NAV2: variants seen among roughly 807,000 people sequenced by gnomAD.
NAV2 encodes the protein neuron navigator 2, also known as helicase, APC down-regulated 1.
NAV2 carries 54 observed loss-of-function variants against 223.2 expected under a neutral mutation model. The ratio of observed to expected loss-of-function variants is 0.24; its 90% confidence interval spans 0.19 to 0.30. NAV2 has a LOEUF of 0.30. Ranked by LOEUF, NAV2 falls within the 10% of genes least tolerant of loss-of-function variation. The pLI is 1.00. For missense variants in NAV2, 2,806 were observed against 3,147.5 expected (o/e 0.89, Z 2.60); for synonymous variants, 1,279 against 1,239.3 (o/e 1.03, Z -0.67).
intron 10 of NAV2, among the ~76,000 whole-genome samples, chr11:19,953,446 A>G (rs1207563756): frequency 1.4e-5 from 2 of 144,672 alleles, no homozygotes; most frequent in Non-Finnish European, 1.6e-5. Context: ...CTGCATTTGC[A>G]AAGCCCTGCC....
rs1217133540 is a variant in NAV2, at chr11:20,114,494, G to C, written c.6961-98G>C. 9.4e-6 allele frequency: 10 copies of C among 1,060,188 alleles called. No homozygotes were observed. The African/African-American group carries it at 1.2e-4, about 13-fold the overall frequency. The allele number at this position is 1,060,188 out of a possible 1,614,324, so 65.7% of individuals were successfully genotyped here. On this transcript the variant is annotated intron_variant, in intron 36 of 37. Transcript: ENST00000349880. The stretch of plus-strand genomic sequence containing the variant: ...GGAATTACTCCATCAGGGAAGGCAT[G>C]ATGCTGGATTTGGGGAGTTTTTCAG...
chr11:19,762,904 G>A (rs879674562), intron 1 of NAV2, among the ~76,000 whole-genome samples: 8 of 152,060 alleles, frequency 5.3e-5, no homozygotes, highest in Non-Finnish European at 1.2e-4. Context: ...GAGCCACTAC[G>A]CCCAGCCAGG....
intron 1 of NAV2, among the ~76,000 whole-genome samples, chr11:19,662,268 T>TA (rs1034958111): frequency 6.6e-6 from 1 of 151,854 alleles, no homozygotes; most frequent in Non-Finnish European, 1.5e-5. Context: ...CCAAAGTGAG[T>TA]AAAAAAAATA....
intron 8 of NAV2, among the ~76,000 whole-genome samples, chr11:19,942,070 G>A (rs1304717451): frequency 6.6e-6 from 1 of 152,186 alleles, no homozygotes; most frequent in Non-Finnish European, 1.5e-5. Flanking sequence ...TCCTTGGCAA[G>A]GTCCAGATCG....
At chr11:20,042,033 A>G (rs2056965825) in intron 12 of NAV2, among the ~76,000 whole-genome samples, 1 of 152,164 alleles carries the variant, frequency 6.6e-6, no homozygotes, top group South Asian at 2.1e-4. Context: ...CGTAAGCTCC[A>G]CCATGGGTGG....
intron 1 of NAV2, among the ~76,000 whole-genome samples, chr11:19,831,587 G>A (rs989624517): frequency 3.9e-5 from 6 of 152,166 alleles, no homozygotes; most frequent in Non-Finnish European, 8.8e-5. Flanking sequence ...ATGGAACTTG[G>A]CACTCAAAAT....
intron 1 of NAV2, among the ~76,000 whole-genome samples, chr11:19,450,405 G>A (rs955709082): frequency 6.6e-6 from 1 of 152,160 alleles, no homozygotes; most frequent in African/African-American, 2.4e-5. Context: ...CCATTTGGTA[G>A]CAGGAAAATG....
intron 3 of NAV2, among the ~76,000 whole-genome samples, chr11:19,845,603 A>G (rs928068621): frequency 6.6e-6 from 1 of 152,180 alleles, no homozygotes; most frequent in Non-Finnish European, 1.5e-5. Context: ...GTCAGTTTGT[A>G]TCCTCAGCTC....
chr11:19,425,412 C>A (rs1173804921), intron 1 of NAV2, among the ~76,000 whole-genome samples: 1 of 152,208 alleles, frequency 6.6e-6, no homozygotes, highest in East Asian at 1.9e-4. Context: ...CTTCTTCCAG[C>A]TGGATAGGTA....
At chr11:19,946,830 A>C (rs2046976853) in intron 9 of NAV2, among the ~76,000 whole-genome samples, 1 of 152,218 alleles carries the variant, frequency 6.6e-6, no homozygotes, top group South Asian at 2.1e-4. Context: ...CAGGTGAACT[A>C]TATTTGACCT....
intron 20 of NAV2, among the ~76,000 whole-genome samples, chr11:20,062,851 C>T (rs879114381): frequency 1.3e-5 from 2 of 152,100 alleles, no homozygotes; most frequent in Admixed American, 1.3e-4. Context: ...TGTGCCACCA[C>T]GCCCAGCTAA....
intron 1 of NAV2, among the ~76,000 whole-genome samples, chr11:19,453,711 A>G (rs1941529624): frequency 6.6e-6 from 1 of 152,140 alleles, no homozygotes; most frequent in South Asian, 2.1e-4. Flanking sequence ...GGGCCCCCAC[A>G]GCTCTCTCCT....
At chr11:20,062,242 C>G in intron 19 of NAV2, 65 bp from the exon 20 acceptor site, 1 of 1,190,506 alleles carries the variant, frequency 8.4e-7, no homozygotes, top group Non-Finnish European at 1.2e-6. Flanking sequence ...TGTTCTCCTC[C>G]CCTGTCCCCT....
rs560111247 is a variant in NAV2, at chr11:19,481,068, G to A, written c.75+130041G>A. 1.9e-4 allele frequency among the ~76,000 whole-genome samples: 29 copies of A among 152,278 alleles called. No homozygotes were observed. The South Asian group carries it at 5.6e-3, about 29-fold the overall frequency. Reference sequence around the variant, plus strand: ...GCCCGGACAGGTGACTGCTTGGTAGGTTTTAGGGGACAGATCTTAGGGCCA... The same window carrying A: ...GCCCGGACAGGTGACTGCTTGGTAGATTTTAGGGGACAGATCTTAGGGCCA... On this transcript the variant is annotated intron_variant, in intron 1 of 37. Coordinates refer to the NAV2 transcript ENST00000360655.
intron 4 of NAV2, among the ~76,000 whole-genome samples, chr11:19,878,973 CAG>C (rs1347175261): frequency 6.6e-6 from 1 of 152,176 alleles, no homozygotes. Flanking sequence ...GACAGGAAAG[CAG>C]AGAGTGTTGA....
intron 19 of NAV2, among the ~76,000 whole-genome samples, chr11:20,060,866 A>C (rs1032547431): frequency 3.3e-5 from 5 of 152,208 alleles, no homozygotes; most frequent in Non-Finnish European, 7.3e-5. Context: ...GGGAAGAAGG[A>C]GAGGTCAGGG....
chr11:19,483,555 A>G (rs778211126), intron 1 of NAV2, among the ~76,000 whole-genome samples: 1 of 152,220 alleles, frequency 6.6e-6, no homozygotes, highest in Non-Finnish European at 1.5e-5. Flanking sequence ...CTTAATAAGA[A>G]AAGAAAAAAA....
intron 11 of NAV2, among the ~76,000 whole-genome samples, chr11:19,985,841 G>T (rs930052058): frequency 2.0e-5 from 3 of 152,136 alleles, no homozygotes; most frequent in African/African-American, 7.2e-5. Flanking sequence ...CTCCCAAAGT[G>T]CTGGGATTAC....
chr11:19,654,072 C>T lies in NAV2; in HGVS notation c.76-178412C>T, dbSNP rs540333084. Among the ~76,000 whole-genome samples, 142 of 152,138 alleles carry T rather than the reference C, an allele frequency of 9.3e-4. 1 individual carries two copies. The highest frequency in any genetic ancestry group is 3.3e-3 in the African/African-American group (139 of 41,506). On this transcript the variant is annotated intron_variant, in intron 1 of 37. Transcript: ENST00000360655. ...AGGATACAAAATCAATGTGCAAAAA[C>T]CACAAGCATTCTTATACACAAATAA...
Sources: gnomAD v4.1 joint callset for allele counts (sites outside exome capture counted in the v4.1 genomes callset) on GRCh38, gnomAD v4.1.1 for gene constraint, MANE v1.5 for transcripts, NCBI Gene and HGNC (gene_info 2026-07-23, HGNC 2026-07-21) for gene names.